The following MGAT4C variants were observed in gnomAD, a reference collection of about 807,000 sequenced individuals.
MGAT4C encodes the protein MGAT4 family member C, also known as alpha-1,3-mannosyl-glycoprotein 4-beta-N-acetylglucosaminyltransferase C.
In MGAT4C, 19 loss-of-function variants were observed where a neutral mutation model predicts 40.1. The ratio of observed to expected loss-of-function variants is 0.47; its 90% CI spans 0.33 to 0.70. The LOEUF (loss-of-function observed/expected upper bound fraction) is 0.70. Among genes scored for constraint, MGAT4C ranks in the 30% least tolerant of loss-of-function variants. MGAT4C has a pLI of 0.02. For synonymous variants in MGAT4C, 181 were observed against 187.1 expected (o/e 0.97, Z 0.27); for missense variants, 491 against 563.2 (o/e 0.87, Z 1.30).
intron 3 of MGAT4C, among the ~76,000 whole-genome samples, chr12:86,421,229 A>G (rs1330831264): frequency 2.0e-5 from 3 of 152,130 alleles, no homozygotes; most frequent in Non-Finnish European, 4.4e-5. Flanking sequence ...CAGATAATCA[A>G]TTACACAAAA....
chr12:86,531,827 G>C (rs1026862640), intron 2 of MGAT4C, among the ~76,000 whole-genome samples: 1 of 151,222 alleles, frequency 6.6e-6, no homozygotes, highest in Non-Finnish European at 1.5e-5. Context: ...TGTTATATAG[G>C]TTTTGGTAAC....
chr12:86,548,067 T>C (rs576140446), intron 2 of MGAT4C, among the ~76,000 whole-genome samples: 18 of 152,150 alleles, frequency 1.2e-4, no homozygotes, highest in Non-Finnish European at 2.4e-4. Flanking sequence ...CATATGCACA[T>C]GCATATACAT....
At chr12:86,218,899 G>A (rs1950770670) in intron 1 of MGAT4C, among the ~76,000 whole-genome samples, 1 of 152,152 alleles carries the variant, frequency 6.6e-6, no homozygotes, top group South Asian at 2.1e-4. Flanking sequence ...TGTAAATTCA[G>A]GCCAGGCGTG....
intron 1 of MGAT4C, among the ~76,000 whole-genome samples, chr12:86,158,669 A>T (rs1420958962): frequency 1.3e-5 from 2 of 152,160 alleles, no homozygotes; most frequent in Non-Finnish European, 2.9e-5. Flanking sequence ...AAAACAATGA[A>T]GGTCATATGT....
chr12:86,437,170 T>C (rs1167486329), intron 2 of MGAT4C, among the ~76,000 whole-genome samples: 1 of 151,826 alleles, frequency 6.6e-6, no homozygotes, highest in Admixed American at 6.6e-5. Flanking sequence ...AAAACAGTAT[T>C]GCTGAAAATA....
intron 2 of MGAT4C, among the ~76,000 whole-genome samples, chr12:86,617,618 G>A (rs1962492910): frequency 6.6e-6 from 1 of 151,914 alleles, no homozygotes; most frequent in Non-Finnish European, 1.5e-5. Context: ...AACCCGGGAG[G>A]CGGAGCTTGC....
At chr12:86,582,777 G>A (rs1960842580) in intron 2 of MGAT4C, among the ~76,000 whole-genome samples, 1 of 151,128 alleles carries the variant, frequency 6.6e-6, no homozygotes, top group Admixed American at 6.6e-5. Flanking sequence ...GAGTCCCAAG[G>A]ACATTGGGAC....
At chr12:86,651,424 C>T (rs1963694020) in intron 2 of MGAT4C, among the ~76,000 whole-genome samples, 1 of 151,734 alleles carries the variant, frequency 6.6e-6, no homozygotes, top group African/African-American at 2.4e-5. Context: ...GAAGTTTTGT[C>T]ATTAATGTTC....
intron 1 of MGAT4C, among the ~76,000 whole-genome samples, chr12:86,077,914 C>A (rs987364803): frequency 5.9e-5 from 9 of 152,174 alleles, no homozygotes; most frequent in Non-Finnish European, 4.4e-5. Flanking sequence ...GACTTAAATG[C>A]AGAAGGAGCC....
intron 2 of MGAT4C, among the ~76,000 whole-genome samples, chr12:86,549,984 C>T (rs1045345510): frequency 6.6e-6 from 1 of 152,058 alleles, no homozygotes; most frequent in Non-Finnish European, 1.5e-5. Flanking sequence ...CAGGGAGGAA[C>T]CTGTAATCCC....
intron 2 of MGAT4C, among the ~76,000 whole-genome samples, chr12:86,462,791 G>C (rs550881018): frequency 1.3e-5 from 2 of 152,056 alleles, no homozygotes; most frequent in Non-Finnish European, 2.9e-5. Context: ...AGATGAGACC[G>C]GAAGACTCAG....
At chr12:86,345,950 C>T (rs1955022927) in intron 3 of MGAT4C, among the ~76,000 whole-genome samples, 1 of 152,178 alleles carries the variant, frequency 6.6e-6, no homozygotes, top group Non-Finnish European at 1.5e-5. Flanking sequence ...GCCATTCTAA[C>T]TGGTGTGAGA....
At chr12:86,511,455 T>C (rs575020940) in intron 2 of MGAT4C, among the ~76,000 whole-genome samples, 7 of 152,294 alleles carry the variant, frequency 4.6e-5, no homozygotes, top group African/African-American at 1.7e-4. Context: ...GTTTTCTTAA[T>C]TTTCTTCCAG....
intron 1 of MGAT4C, among the ~76,000 whole-genome samples, chr12:86,237,430 A>C (rs1951600918): frequency 6.6e-6 from 1 of 151,916 alleles, no homozygotes; most frequent in African/African-American, 2.4e-5. Flanking sequence ...ATTAGCTATA[A>C]TAAAATAAAA....
At chr12:86,521,266 C>A (rs889998426) in intron 2 of MGAT4C, among the ~76,000 whole-genome samples, 3 of 152,034 alleles carry the variant, frequency 2.0e-5, no homozygotes, top group African/African-American at 7.2e-5. Context: ...AGAAAGGGGC[C>A]GACTTTCAAT....
intron 3 of MGAT4C, among the ~76,000 whole-genome samples, chr12:86,374,331 T>C (rs1291630219): frequency 6.6e-6 from 1 of 152,130 alleles, no homozygotes; most frequent in Non-Finnish European, 1.5e-5. Context: ...TTAGAAAGAA[T>C]AACTTTGTGA....
rs75343254 is a variant in MGAT4C, at chr12:86,433,439, C to CT, written c.-120+1717dup. Among the ~76,000 whole-genome samples the CT allele has an allele frequency of 0.02, 3,011 of 151,848 alleles. 211 individuals carry two copies. The East Asian group carries it at 0.23, about 12-fold the overall frequency. On this transcript the variant is annotated intron_variant, in intron 3 of 7. Transcript: ENST00000548651. The stretch of plus-strand genomic sequence containing the variant: ...AAGATATAAACTGAGGGAATTGATA[C>CT]TTTTTTGTTGTTGTAGCTTGCTGCA...
intron 1 of MGAT4C, among the ~76,000 whole-genome samples, chr12:86,132,791 C>CAAAA (rs60321690): frequency 1.8e-4 from 17 of 93,656 alleles, no homozygotes; most frequent in Admixed American, 2.6e-4. Flanking sequence ...GACTCCGTCT[C>CAAAA]AAAAAAAAAA....
At chr12:86,205,391 A>G (rs1480030534) in intron 1 of MGAT4C, among the ~76,000 whole-genome samples, 1 of 151,556 alleles carries the variant, frequency 6.6e-6, no homozygotes, top group Non-Finnish European at 1.5e-5. Flanking sequence ...CCCTTGAAAA[A>G]TTGCTTTATT....
Sources: allele counts gnomAD v4.1 joint callset (sites outside exome capture counted in the v4.1 genomes callset), GRCh38; gene constraint gnomAD v4.1.1; transcripts MANE v1.5; gene names NCBI Gene and HGNC (gene_info 2026-07-23, HGNC 2026-07-21).